Variants in BCL7A observed in about 807,000 individuals in gnomAD.
BCL7A encodes BAF chromatin remodeling complex subunit BCL7A, also known as B-cell CLL/lymphoma 7 protein family member A.
BCL7A carries 11 observed loss-of-function variants against 28.4 expected under a neutral mutation model. The observed-to-expected ratio is 0.39, with a 90% CI of 0.24 to 0.64. BCL7A has a LOEUF of 0.64. Among genes scored for constraint, BCL7A ranks in the 30% least tolerant of loss-of-function variants. The probability of loss-of-function intolerance (pLI) is 0.50; values close to 1 mark genes in which losing one functional copy is unlikely to be tolerated. For synonymous variants in BCL7A, 123 were observed against 103.3 expected (o/e 1.19, Z -1.15); for missense variants, 222 against 274.8 (o/e 0.81, Z 1.36).
intron 3 of BCL7A, among the ~76,000 whole-genome samples, chr12:122,043,423 C>G (rs1884000625): frequency 1.6e-5 from 1 of 63,308 alleles, no homozygotes. Flanking sequence ...GGGTGGGGGT[C>G]AGGGGGCGGG....
At position 122,038,431 on chromosome 12, in the gene BCL7A, C is replaced by CACA. The variant is rs1883900095; in HGVS notation, c.271+3005_271+3006insCAA. Among the ~76,000 whole-genome samples the CACA allele has an allele frequency of 8.3e-4, 28 of 33,556 alleles. 1 individual carries two copies. The East Asian group carries it at 8.8e-3, about 11-fold the overall frequency. 22.0% of individuals were successfully genotyped at this position (33,556 alleles called of 152,430 possible). ...TGGGCAAAGGAGCGAGACTCTGCCT[C>CACA]AAAAAAAAAAAAAAAAAAAAAAAAA... On this transcript the variant is annotated intron_variant, in intron 3 of 5. Coordinates refer to ENST00000261822, the MANE Select transcript of BCL7A (RefSeq NM_001024808.3).
chr12:122,039,490 AT>A (rs1883924662), intron 3 of BCL7A, among the ~76,000 whole-genome samples: 1 of 4,144 alleles, frequency 2.4e-4, no homozygotes, highest in Non-Finnish European at 5.1e-4. Context: ...CATCTCTTAA[AT>A]ATATATATAT....
intron 2 of BCL7A, 95 bp downstream of exon 2, chr12:122,030,876 G>C: frequency 3.8e-6 from 5 of 1,326,580 alleles, no homozygotes; most frequent in Non-Finnish European, 4.3e-6. Flanking sequence ...CACCGTGCTG[G>C]GGCTCTGGGA....
intron 4 of BCL7A, among the ~76,000 whole-genome samples, chr12:122,046,047 G>C (rs988376321): frequency 2.3e-5 from 3 of 133,104 alleles, no homozygotes; most frequent in Non-Finnish European, 4.7e-5. Flanking sequence ...TGGGTAACAG[G>C]GTGAGACCTT....
chr12:122,045,313 G>A lies in BCL7A; in HGVS notation c.439+1260G>A, dbSNP rs58413646. On this transcript the variant is annotated intron_variant, in intron 4 of 5. Transcript: ENST00000261822. ...AGAGAATCACTTGAACCCAGGAGGC[G>A]GAGGTTGCAGTGAGCCGAAATTGTG... Among the ~76,000 whole-genome samples, 441 of 152,226 alleles carry A rather than the reference G, an allele frequency of 2.9e-3. 10 individuals carry two copies. In the East Asian group the frequency reaches 0.059, roughly 20 times the overall value.
At chr12:122,024,017 A>T in intron 1 of BCL7A, among the ~76,000 whole-genome samples, 2 of 152,140 alleles carry the variant, frequency 1.3e-5, no homozygotes, top group Middle Eastern at 3.4e-3. Context: ...CTGCTCCCGC[A>T]GAGCGGCCAG....
rs1883470002 is a variant in BCL7A, at chr12:122,022,012, C to CGGGCGCGAGTGTGGCCGCCGCG, written c.-78_-57dup. 8.1e-7 allele frequency: 1 copy of CGGGCGCGAGTGTGGCCGCCGCG among 1,238,164 alleles called. No individual in the cohort carries two copies. Among genetic ancestry groups the CGGGCGCGAGTGTGGCCGCCGCG allele is most frequent in the South Asian group, 1.4e-5 (1 of 73,252 alleles). The allele number at this position is 1,238,164 out of a possible 1,614,324, so 76.7% of individuals were successfully genotyped here. A position where few individuals can be genotyped will look rare whatever the true frequency, so the allele number is the denominator to read the frequency against. On this transcript the variant is annotated 5_prime_UTR_variant, in exon 1 of 6. Transcript: ENST00000261822. ...TGTGCGCGAGTGAGTGAGCGGCGGG[C>CGGGCGCGAGTGTGGCCGCCGCG]GGGCGCGAGTGTGGCCGCCGCGGAG...
intron 2 of BCL7A, among the ~76,000 whole-genome samples, chr12:122,031,878 C>T (rs2135843162): frequency 6.6e-6 from 1 of 152,340 alleles, no homozygotes; most frequent in East Asian, 1.9e-4. Context: ...GGCCAGTTAC[C>T]TCCAGAGACC....
At chr12:122,027,707 T>G (rs1720038) in intron 1 of BCL7A, among the ~76,000 whole-genome samples, 1 of 151,354 alleles carries the variant, frequency 6.6e-6, no homozygotes, top group African/African-American at 2.4e-5. Flanking sequence ...CGTGGTGGCA[T>G]GTGCTTGTAG....
intron 1 of BCL7A, among the ~76,000 whole-genome samples, chr12:122,025,946 CAA>C (rs1204623444): frequency 1.8e-4 from 20 of 108,176 alleles, no homozygotes; most frequent in East Asian, 1.1e-3. Context: ...GACTCCATCT[CAA>C]AAAAAAAAAA....
intron 1 of BCL7A, among the ~76,000 whole-genome samples, chr12:122,022,726 C>T (rs1433495153): frequency 1.3e-5 from 2 of 149,512 alleles, no homozygotes; most frequent in Non-Finnish European, 3.0e-5. Context: ...TCCCGCCTCC[C>T]GGGCCCGGCG....
chr12:122,059,249 T>C lies in BCL7A; in HGVS notation c.*86T>C, dbSNP rs532821694. 283 of 1,309,468 alleles carry C rather than the reference T, an allele frequency of 2.2e-4. No individual in the cohort carries two copies. Among genetic ancestry groups the C allele is most frequent in the Non-Finnish European group, 2.9e-4 (268 of 914,076 alleles). The allele number at this position is 1,309,468 out of a possible 1,614,324, so 81.1% of individuals were successfully genotyped here. On this transcript the variant is annotated 3_prime_UTR_variant, in exon 6 of 6. Transcript: ENST00000261822. This position sits in a 1 kb window ranked among gnomAD's most constrained non-coding sequence, Gnocchi z 4.0. ...AGCAACTTTGCCCCAGCGATTCCTC[T>C]TGGGTGCGAACAGAACTACTAACGT...
At chr12:122,050,232 C>T (rs1257648253) in intron 4 of BCL7A, among the ~76,000 whole-genome samples, 3 of 152,060 alleles carry the variant, frequency 2.0e-5, no homozygotes, top group African/African-American at 7.3e-5. Context: ...CCACCCGCCT[C>T]AGCCTCCAAA....
chr12:122,046,826 G>A (rs1884085837), intron 4 of BCL7A, among the ~76,000 whole-genome samples: 1 of 151,946 alleles, frequency 6.6e-6, no homozygotes, highest in African/African-American at 2.4e-5. Flanking sequence ...GCCAAAGGGC[G>A]CTTGCCTTGT....
intron 2 of BCL7A, among the ~76,000 whole-genome samples, chr12:122,034,809 T>C (rs10840642): frequency 0.12 from 17,816 of 151,432 alleles, 2,281 homozygotes; most frequent in African/African-American, 0.32. Context: ...TCTCCCGGGG[T>C]CCTCCCTCCT....
chr12:122,043,810 A>T, intron 3 of BCL7A, 76 bp from the exon 4 acceptor site: 4 of 1,454,176 alleles, frequency 2.8e-6, no homozygotes, highest in Non-Finnish European at 3.7e-6. Flanking sequence ...AGGCACAGGG[A>T]TGCTGAGCCC....
At chr12:122,049,055 C>T (rs61952891) in intron 4 of BCL7A, among the ~76,000 whole-genome samples, 2,560 of 36,730 alleles carry the variant, frequency 0.07, 42 homozygotes, top group Non-Finnish European at 0.083. Flanking sequence ...TATATATATA[C>T]ATATACACAC....
chr12:122,032,034 G>A (rs1020768350), intron 2 of BCL7A, among the ~76,000 whole-genome samples: 2 of 152,304 alleles, frequency 1.3e-5, no homozygotes, highest in East Asian at 3.9e-4. Context: ...ACATGGCTGC[G>A]GCCACTCCTG....
At chr12:122,040,972 G>A (rs776316031) in intron 3 of BCL7A, among the ~76,000 whole-genome samples, 1 of 152,168 alleles carries the variant, frequency 6.6e-6, no homozygotes, top group Non-Finnish European at 1.5e-5. Context: ...CTTGCCATAG[G>A]AAGGAAGTCT....
Sources: gnomAD v4.1 joint callset for allele counts (sites outside exome capture counted in the v4.1 genomes callset) on GRCh38, gnomAD v4.1.1 for gene constraint, Gnocchi (gnomAD v3.1) non-coding constraint, MANE v1.5 for transcripts, NCBI Gene and HGNC (gene_info 2026-07-23, HGNC 2026-07-21) for gene names.